Variants in EFR3B observed in about 807,000 individuals in gnomAD.
The protein encoded by EFR3B is protein EFR3 homolog B.
Under a neutral mutation model 104.7 loss-of-function variants are expected in EFR3B, and 64 were observed. That is an observed-to-expected ratio of 0.61 (90% CI 0.50 to 0.75). The LOEUF (loss-of-function observed/expected upper bound fraction) is 0.75. EFR3B is among the 30% of genes least tolerant of loss of function. EFR3B has a pLI of 0.00. For missense variants in EFR3B, 750 were observed against 1,078.5 expected (o/e 0.70, Z 4.27); for synonymous variants, 385 against 417.9 (o/e 0.92, Z 0.96).
intron 19 of EFR3B, chr2:25,146,356 G>A (rs897260618): frequency 2.0e-5 from 3 of 152,040 alleles, no homozygotes; most frequent in African/African-American, 4.8e-5. Context: ...TTCATTTATT[G>A]GGGCAGATCT....
chr2:25,051,475 G>A (rs763459764), intron 1 of EFR3B, among the ~76,000 whole-genome samples: 14 of 152,014 alleles, frequency 9.2e-5, no homozygotes, highest in Non-Finnish European at 2.1e-4. Context: ...AGCTGTTCTT[G>A]CTTTCACCAT....
Position 25,089,528 on chromosome 2 carries a change from G to A in EFR3B, c.8-1797G>A, listed in dbSNP as rs942264832. Among the ~76,000 whole-genome samples, 6 of 152,180 alleles carry A rather than the reference G, an allele frequency of 3.9e-5. No individual in the cohort carries two copies. The East Asian group carries it at 7.7e-4, about 19-fold the overall frequency. ...TGACTAGGGAGGCTGCTGGGAGAGCGTGGAGCGTGTGCTACCTGGGCACCT... is the reference window on the plus strand; with the variant it reads ...TGACTAGGGAGGCTGCTGGGAGAGCATGGAGCGTGTGCTACCTGGGCACCT... On this transcript the variant is annotated intron_variant, in intron 1 of 22. Transcript: ENST00000403714.
At chr2:25,047,527 C>T (rs1226040706) in intron 1 of EFR3B, among the ~76,000 whole-genome samples, 4 of 152,040 alleles carry the variant, frequency 2.6e-5, no homozygotes, top group East Asian at 1.9e-4. Flanking sequence ...TTGAGACAGT[C>T]TCACTCTGTT....
In EFR3B at chr2:25,042,984, A is replaced by AAC. The variant is rs1354355757; in HGVS notation, c.7+667_7+668dup. 6.6e-6 allele frequency among the ~76,000 whole-genome samples: 1 copy of AAC among 152,190 alleles called. No individual in the cohort carries two copies. Among genetic ancestry groups the AAC allele is most frequent in the Non-Finnish European group, 1.5e-5 (1 of 68,026 alleles). ...ACCGCCATCCCCTCAACTGCCGTGC[A>AAC]ACAGTTAGCCAGACCCTCACGATGC... On this transcript the variant is annotated intron_variant, in intron 1 of 22. Transcript: ENST00000403714. The surrounding 1 kb of genome is among the most constrained non-coding windows in gnomAD (Gnocchi z 5.4).
chr2:25,113,667 C>CAA (rs199750318), intron 4 of EFR3B, among the ~76,000 whole-genome samples: 1 of 100,472 alleles, frequency 1.0e-5, no homozygotes, highest in Non-Finnish European at 2.2e-5. Context: ...GACTCTGTCT[C>CAA]AAAAAAAAAA....
intron 3 of EFR3B, among the ~76,000 whole-genome samples, chr2:25,101,762 T>A (rs1226909548): frequency 6.6e-6 from 1 of 152,160 alleles, no homozygotes; most frequent in Admixed American, 6.6e-5. Flanking sequence ...AATTCTGAAT[T>A]TCTAGGGAAA....
intron 4 of EFR3B, among the ~76,000 whole-genome samples, chr2:25,104,773 C>T (rs1558603434): frequency 6.6e-6 from 1 of 152,220 alleles, no homozygotes; most frequent in South Asian, 2.1e-4. Context: ...GAGCAGGTTA[C>T]CTTTTATGGG....
intron 4 of EFR3B, among the ~76,000 whole-genome samples, chr2:25,111,023 C>G (rs1368396601): frequency 6.6e-6 from 1 of 152,192 alleles, no homozygotes; most frequent in East Asian, 1.9e-4. Flanking sequence ...GCTGCGGTGT[C>G]ACTTATCTGA....
chr2:25,097,309 T>C (rs925785719), intron 3 of EFR3B, among the ~76,000 whole-genome samples: 14 of 152,234 alleles, frequency 9.2e-5, no homozygotes, highest in African/African-American at 3.1e-4. Context: ...AGATTTGATC[T>C]CTTATTCTCT....
intron 16 of EFR3B, among the ~76,000 whole-genome samples, chr2:25,140,805 C>A (rs1670640838): frequency 6.6e-6 from 1 of 152,096 alleles, no homozygotes; most frequent in Non-Finnish European, 1.5e-5. Context: ...CTTTGGGAGG[C>A]CAAGGCAGGT....
intron 1 of EFR3B, among the ~76,000 whole-genome samples, chr2:25,078,192 G>A (rs909438594): frequency 1.3e-5 from 2 of 152,182 alleles, no homozygotes; most frequent in Non-Finnish European, 2.9e-5. Flanking sequence ...CCTGCGAACT[G>A]CTGGAGTTCA....
chr2:25,130,732 C>G lies in EFR3B; in HGVS notation c.849+102C>G. 9.1e-7 allele frequency: 1 copy of G among 1,101,830 alleles called. No homozygotes were observed. The highest frequency in any genetic ancestry group is 1.3e-6 in the Non-Finnish European group (1 of 744,546). 68.3% of individuals were successfully genotyped at this position (1,101,830 alleles called of 1,614,324 possible). ...AGCCAGAAGTCCCCTGTGACTCCTC[C>G]GAAGCCCCCAGTTGCCGAAACCAGT... On this transcript the variant is annotated intron_variant, in intron 8 of 22. Transcript: ENST00000403714. This position sits in a 1 kb window ranked among gnomAD's most constrained non-coding sequence, Gnocchi z 4.6.
intron 4 of EFR3B, among the ~76,000 whole-genome samples, chr2:25,120,565 A>AC (rs1669984633): frequency 6.6e-6 from 1 of 152,022 alleles, no homozygotes; most frequent in Non-Finnish European, 1.5e-5. Flanking sequence ...AATCACTTGA[A>AC]CCCGGGAGGT....
At chr2:25,115,775 A>G (rs1448745943) in intron 4 of EFR3B, among the ~76,000 whole-genome samples, 1 of 152,244 alleles carries the variant, frequency 6.6e-6, no homozygotes, top group Non-Finnish European at 1.5e-5. Context: ...GAGACAACAC[A>G]GAGACAGCTA....
intron 1 of EFR3B, among the ~76,000 whole-genome samples, chr2:25,068,162 C>A (rs779593357): frequency 4.6e-5 from 7 of 152,130 alleles, no homozygotes; most frequent in Non-Finnish European, 7.3e-5. Context: ...TTCTCCTGGA[C>A]TGGGTGTGTA....
intron 3 of EFR3B, among the ~76,000 whole-genome samples, chr2:25,098,479 CT>C (rs1326280863): frequency 1.3e-5 from 2 of 152,178 alleles, no homozygotes; most frequent in Non-Finnish European, 2.9e-5. Context: ...GATCAGATCT[CT>C]GCTGGTAGTA....
rs1011354654 is a variant in EFR3B at position 25,042,790 on chromosome 2, A to G, written c.7+471A>G. On this transcript the variant is annotated intron_variant, in intron 1 of 22. Transcript: ENST00000403714. This position sits in a 1 kb window ranked among gnomAD's most constrained non-coding sequence, Gnocchi z 5.4. ...CCGGCGGCGCAGAGGCCCGGGGAGCAGCCAGTGGCCGAGTCTCGTCTCGCC... is the reference window on the plus strand; with the variant it reads ...CCGGCGGCGCAGAGGCCCGGGGAGCGGCCAGTGGCCGAGTCTCGTCTCGCC... 6.1e-5 allele frequency: 44 copies of G among 719,900 alleles called. No individual in the cohort carries two copies. In the African/African-American group the frequency reaches 8.4e-4, roughly 14 times the overall value. The allele number at this position is 719,900 out of a possible 1,614,324, so 44.6% of individuals were successfully genotyped here.
At chr2:25,073,098 G>T (rs1036689658) in intron 1 of EFR3B, among the ~76,000 whole-genome samples, 1 of 152,154 alleles carries the variant, frequency 6.6e-6, no homozygotes, top group Non-Finnish European at 1.5e-5. Flanking sequence ...CATTCACAAC[G>T]ATAGTTATGA....
chr2:25,043,288 A>T (rs764427911), intron 1 of EFR3B, among the ~76,000 whole-genome samples: 9 of 151,944 alleles, frequency 5.9e-5, no homozygotes, highest in Non-Finnish European at 1.2e-4. Flanking sequence ...TCCCACCCCC[A>T]CTGCAAGGTA....
Sources: allele counts gnomAD v4.1 joint callset (sites outside exome capture counted in the v4.1 genomes callset), GRCh38; gene constraint gnomAD v4.1.1; non-coding constraint Gnocchi (gnomAD v3.1); transcripts MANE v1.5; gene names NCBI Gene and HGNC (gene_info 2026-07-23, HGNC 2026-07-21).